The following OR13J1 variants were observed in gnomAD, a reference collection of about 807,000 sequenced individuals.
OR13J1 encodes the protein olfactory receptor 13J1.
OR13J1 carries 6 observed loss-of-function variants against 6.4 expected under a neutral mutation model. The observed-to-expected ratio is 0.93, with a 90% confidence interval of 0.51 to 1.84. The LOEUF is 1.84. Ranked by LOEUF, OR13J1 falls within the 40% of genes most tolerant of loss-of-function variation. OR13J1 has a pLI of 0.01. For missense variants in OR13J1, 382 were observed against 395.6 expected (o/e 0.97, Z 0.29); for synonymous variants, 175 against 182.4 (o/e 0.96, Z 0.33).
chr9:35,870,054 G>A lies in OR13J1; in HGVS notation c.348C>T (p.Ala116=), dbSNP rs1157971476. The A allele has an allele frequency of 6.2e-7, 1 of 1,614,260 alleles. No homozygotes were observed. Among genetic ancestry groups the A allele is most frequent in the East Asian group, 2.2e-5 (1 of 44,882 alleles). The change falls in exon 1 of 1, where the codon GCC becomes GCT. Residue 116 remains alanine, a synonymous_variant. Transcript: ENST00000377981. ...STGSTECLLL[A]ITAYDRYLAI... is the part of the protein sequence containing the mutation. ...CCAGGTAGCGGTCATAGGCCGTGAT[G>A]GCCAGTAGCAGGCACTCCGTGGAGC...
rs759235590 is a variant in OR13J1, at chr9:35,869,791, A to G, written c.611T>C (p.Ile204Thr). The G allele has an allele frequency of 6.2e-7, 1 of 1,613,998 alleles. No homozygotes were observed. Among genetic ancestry groups the G allele is most frequent in the Non-Finnish European group, 8.5e-7 (1 of 1,180,020 alleles). The change falls in exon 1 of 1, where the codon ATC becomes ACC. Residue 204 changes from isoleucine to threonine, a missense_variant. Coordinates refer to ENST00000377981, the MANE Select transcript of OR13J1 (RefSeq NM_001004487.1). ...VSEDFLLAGSILLLPVPLAFI... is the reference protein window; with the variant it reads ...VSEDFLLAGSTLLLPVPLAFI... ...TGCCAGGGGTACAGGCAGCAGCAGG[A>G]TGGAGCCCGCCAGCAGGAAGTCTTC...
At position 35,870,014 on chromosome 9, in the gene OR13J1, G is replaced by GTGGC; in HGVS notation, c.384_387dup (p.Leu130AlafsTer31). On this transcript the variant is annotated frameshift_variant, in exon 1 of 1. Coordinates refer to ENST00000377981, the MANE Select transcript of OR13J1 (RefSeq NM_001004487.1). LOFTEE classifies it high-confidence loss of function. Reference sequence around the variant, plus strand: ...TGGCTCATGAGCACGTGGTACCTGAGTGGCTGGCAGATGGCCAGGTAGCGG... The same window carrying GTGGC: ...TGGCTCATGAGCACGTGGTACCTGAGTGGCTGGCTGGCAGATGGCCAGGTAGCGG... 1 of 1,614,232 alleles carries GTGGC rather than the reference G, an allele frequency of 6.2e-7. No individual in the cohort carries two copies. The highest frequency in any genetic ancestry group is 8.5e-7 in the Non-Finnish European group (1 of 1,180,042).
chr9:35,869,501 C>A lies in OR13J1; in HGVS notation c.901G>T (p.Ala301Ser), dbSNP rs146834712. 6 of 1,613,832 alleles carry A rather than the reference C, an allele frequency of 3.7e-6. No homozygotes were observed. The highest frequency in any genetic ancestry group is 2.2e-5 in the South Asian group (2 of 91,086). The change falls in exon 1 of 1, where the codon GCC (alanine) becomes TCC (serine). Residue 301 changes from alanine to serine, a missense_variant. Ala to Ser is a moderately conservative substitution (Grantham distance 99). Transcript: ENST00000377981. ...CGACTCCTGCCCCACACCTTCCTGG[C>A]GGCCTCCTTCACCTCCTTGTTCCTC... ...SLRNKEVKEAARKVWGRSRAS... is the reference protein window; with the variant it reads ...SLRNKEVKEASRKVWGRSRAS...
chr9:35,870,161 T>C lies in OR13J1; in HGVS notation c.241A>G (p.Met81Val). ...ICYTPTFVPL[M>V]LVHLLSSRKT... ...CGGGATGACAGGAGGTGGACCAGCA[T>C]CAGAGGCACAAAGGTGGGCGTGTAG... The change falls in exon 1 of 1, where the codon ATG (methionine) becomes GTG (valine). Residue 81 changes from methionine (M) to valine (V), a missense_variant. By Grantham distance (21) the Met-to-Val change is conservative (BLOSUM62 1). Coordinates refer to ENST00000377981, the MANE Select transcript of OR13J1 (RefSeq NM_001004487.1). 6.2e-7 allele frequency: 1 copy of C among 1,614,160 alleles called. No individual in the cohort carries two copies. The highest frequency in any genetic ancestry group is 2.2e-5 in the East Asian group (1 of 44,874).
Position 35,869,933 on chromosome 9 carries a change from C to A in OR13J1, c.469G>T (p.Val157Leu). ...AAWVLCLLKSVTEMVISMRLP... is the reference protein window; with the variant it reads ...AAWVLCLLKSLTEMVISMRLP... ...CTCATGGAGATGACCATCTCAGTCA[C>A]CGACTTGAGGAGGCAGAGGACCCAG... The change falls in exon 1 of 1, where the codon GTG becomes TTG. Residue 157 changes from valine (V) to leucine (L), a missense_variant. Val to Leu is a conservative substitution (Grantham distance 32). Transcript: ENST00000377981. 1.9e-6 allele frequency: 3 copies of A among 1,614,190 alleles called. No homozygotes were observed. Among genetic ancestry groups the A allele is most frequent in the Non-Finnish European group, 2.5e-6 (3 of 1,180,030 alleles).
chr9:35,869,685 G>A lies in OR13J1; in HGVS notation c.717C>T (p.Ser239=). The change falls in exon 1 of 1, where the codon TCC becomes TCT. Residue 239 remains serine, a synonymous_variant. Coordinates refer to ENST00000377981, the MANE Select transcript of OR13J1 (RefSeq NM_001004487.1). ...PSAARCCKAF[S]TCLAHLAVVL... ...CTACAGCCAGGTGTGCCAAGCAGGT[G>A]GAGAAGGCTTTGCAGCACCTGGCGG... The A allele has an allele frequency of 6.2e-7, 1 of 1,613,884 alleles. No homozygotes were observed. Among genetic ancestry groups the A allele is most frequent in the Non-Finnish European group, 8.5e-7 (1 of 1,180,012 alleles).
In OR13J1 at chr9:35,869,749, T is replaced by C. The variant is rs1832774316; in HGVS notation, c.653A>G (p.Tyr218Cys). ...CAGGATGGTGGCCAGGATGAGCAAG[T>C]AGGACAGGCAGATGAATGCCAGGGG... The part of the protein sequence containing the change: ...PVPLAFICLS[Y>C]LLILATILRV... Residue 218 changes from tyrosine (Y) to cysteine (C), a missense_variant, in exon 1 of 1, where the codon TAC becomes TGC. Tyr to Cys is a radical substitution (Grantham distance 194). Coordinates refer to ENST00000377981, the MANE Select transcript of OR13J1 (RefSeq NM_001004487.1). 2 of 1,613,366 alleles carry C rather than the reference T, an allele frequency of 1.2e-6. No homozygotes were observed. The highest frequency in any genetic ancestry group is 2.2e-5 in the South Asian group (2 of 91,078).
rs1443835208 is a variant in OR13J1, at chr9:35,870,390, G to A, written c.12C>T (p.Leu4=). 1 of 1,593,404 alleles carries A rather than the reference G, an allele frequency of 6.3e-7. No individual in the cohort carries two copies. The change falls in exon 1 of 1, where the codon CTC becomes CTT. Residue 4 remains leucine (L), a synonymous_variant. Coordinates refer to ENST00000377981, the MANE Select transcript of OR13J1 (RefSeq NM_001004487.1). MEP[L]NRTEVSEFFL... ...AGAACTCGGACACCTCTGTTCTGTT[G>A]AGCGGCTCCATGCTGCAGAGTTCTG... is the stretch of plus-strand genomic sequence containing the variant.
In OR13J1 at chr9:35,869,809, A is replaced by G; in HGVS notation, c.593T>C (p.Phe198Ser). The G allele has an allele frequency of 6.2e-7, 1 of 1,614,064 alleles. No individual in the cohort carries two copies. Among genetic ancestry groups the G allele is most frequent in the South Asian group, 1.1e-5 (1 of 91,080 alleles). ...ACGNTSVSED[F>S]LLAGSILLLP... ...CAGCAGGATGGAGCCCGCCAGCAGG[A>G]AGTCTTCGCTGACCGACGTGTTGCC... The change falls in exon 1 of 1, where the codon TTC becomes TCC. Residue 198 changes from phenylalanine to serine, a missense_variant. Phe to Ser is a radical substitution (Grantham distance 155). Transcript: ENST00000377981.
chr9:35,869,972 G>A lies in OR13J1; in HGVS notation c.430C>T (p.Leu144=), dbSNP rs1200190558. 1 of 1,614,114 alleles carries A rather than the reference G, an allele frequency of 6.2e-7. No individual in the cohort carries two copies. The highest frequency in any genetic ancestry group is 2.2e-5 in the East Asian group (1 of 44,900). Residue 144 remains leucine, a synonymous_variant, in exon 1 of 1, where the codon CTG becomes TTG. Transcript: ENST00000377981. ...VLMSHRLCVL[L]MGAAWVLCLL... ...CAGAGGACCCAGGCAGCTCCCATCA[G>A]CAGCACGCAGAGCCGGTGGCTCATG...
In OR13J1 at chr9:35,869,542, G is replaced by C. The variant is rs1319203250; in HGVS notation, c.860C>G (p.Pro287Arg). Residue 287 changes from proline to arginine, a missense_variant, in exon 1 of 1, where the codon CCC becomes CGC. Coordinates refer to ENST00000377981, the MANE Select transcript of OR13J1 (RefSeq NM_001004487.1). ...CTTGTTCCTCAGGCTGTAGATGGTG[G>C]GGTTCAGCATGGTCGTGACCATGGC... is the stretch of plus-strand genomic sequence containing the variant. ...LYAMVTTMLN[P>R]TIYSLRNKEV... 4.3e-6 allele frequency: 7 copies of C among 1,613,954 alleles called. No homozygotes were observed. Among genetic ancestry groups the C allele is most frequent in the Non-Finnish European group, 5.9e-6 (7 of 1,180,012 alleles).
rs1393122989 is a variant in OR13J1 at position 35,869,588 on chromosome 9, C to T, written c.814G>A (p.Glu272Lys). Residue 272 changes from glutamate (E) to lysine (K), a missense_variant, in exon 1 of 1, where the codon GAG (glutamate) becomes AAG (lysine). Glu to Lys is a moderately conservative substitution (Grantham distance 56). Transcript: ENST00000377981. ...ATGGCATAGAGGACTGTGAAGACCTCATCAGAGATGTGGGCTTCCTTACTC... is the reference window on the plus strand; with the variant it reads ...ATGGCATAGAGGACTGTGAAGACCTTATCAGAGATGTGGGCTTCCTTACTC... ...PKSKEAHISD[E>K]VFTVLYAMVT... 6.2e-7 allele frequency: 1 copy of T among 1,614,020 alleles called. No individual in the cohort carries two copies. Among genetic ancestry groups the T allele is most frequent in the Non-Finnish European group, 8.5e-7 (1 of 1,180,036 alleles).
At position 35,869,933 on chromosome 9, in the gene OR13J1, C is replaced by T; in HGVS notation, c.469G>A (p.Val157Met). 1.2e-6 allele frequency: 2 copies of T among 1,614,190 alleles called. No individual in the cohort carries two copies. The highest frequency in any genetic ancestry group is 1.7e-6 in the Non-Finnish European group (2 of 1,180,030). The change falls in exon 1 of 1, where the codon GTG (valine) becomes ATG (methionine). Residue 157 changes from valine (V) to methionine (M), a missense_variant. Coordinates refer to ENST00000377981, the MANE Select transcript of OR13J1 (RefSeq NM_001004487.1). ...AAWVLCLLKSVTEMVISMRLP... is the reference protein window; with the variant it reads ...AAWVLCLLKSMTEMVISMRLP... ...CTCATGGAGATGACCATCTCAGTCA[C>T]CGACTTGAGGAGGCAGAGGACCCAG...
rs762489313 is a variant in OR13J1, at chr9:35,869,774, G to A, written c.628C>T (p.Pro210Ser). The A allele has an allele frequency of 6.2e-7, 1 of 1,613,872 alleles. No individual in the cohort carries two copies. The highest frequency in any genetic ancestry group is 1.1e-5 in the South Asian group (1 of 91,084). ...LAGSILLLPV[P>S]LAFICLSYLL... ...TAGGACAGGCAGATGAATGCCAGGGGTACAGGCAGCAGCAGGATGGAGCCC... is the reference window on the plus strand; with the variant it reads ...TAGGACAGGCAGATGAATGCCAGGGATACAGGCAGCAGCAGGATGGAGCCC... Residue 210 changes from proline to serine, a missense_variant, in exon 1 of 1, where the codon CCC becomes TCC. Pro to Ser is a moderately conservative substitution (Grantham distance 74). Transcript: ENST00000377981.
chr9:35,870,258 C>T lies in OR13J1; in HGVS notation c.144G>A (p.Val48=), dbSNP rs777366385. The part of the protein sequence containing the change: ...TLLGNTAIMA[V]SVLDIHLHTP... ...TGTGCAGGTGGATATCTAGCACGCT[C>T]ACCGCCATGATGGCTGTGTTCCCCA... Residue 48 remains valine, a synonymous_variant, in exon 1 of 1, where the codon GTG becomes GTA. Transcript: ENST00000377981. 5 of 1,614,200 alleles carry T rather than the reference C, an allele frequency of 3.1e-6. No individual in the cohort carries two copies. Among genetic ancestry groups the T allele is most frequent in the East Asian group, 4.5e-5 (2 of 44,890 alleles).
rs773186458 is a variant in OR13J1 at position 35,870,053 on chromosome 9, T to C, written c.349A>G (p.Ile117Val). The C allele has an allele frequency of 2.5e-6, 4 of 1,614,224 alleles. No individual in the cohort carries two copies. The highest frequency in any genetic ancestry group is 3.4e-6 in the Non-Finnish European group (4 of 1,180,044). ...GCCAGGTAGCGGTCATAGGCCGTGA[T>C]GGCCAGTAGCAGGCACTCCGTGGAG... The part of the protein sequence containing the change: ...TGSTECLLLA[I>V]TAYDRYLAIC... Residue 117 changes from isoleucine (I) to valine (V), a missense_variant, in exon 1 of 1, where the codon ATC (isoleucine) becomes GTC (valine). Ile to Val is a conservative substitution (Grantham distance 29, BLOSUM62 3). Coordinates refer to ENST00000377981, the MANE Select transcript of OR13J1 (RefSeq NM_001004487.1).
In OR13J1 at chr9:35,870,035, A is replaced by C. The variant is rs745393130; in HGVS notation, c.367T>G (p.Tyr123Asp). ...CTGAGTGGCTGGCAGATGGCCAGGT[A>C]GCGGTCATAGGCCGTGATGGCCAGT... is the stretch of plus-strand genomic sequence containing the variant. ...LLLAITAYDRYLAICQPLRYH... is the reference protein window; with the variant it reads ...LLLAITAYDRDLAICQPLRYH... The change falls in exon 1 of 1, where the codon TAC (tyrosine) becomes GAC (aspartate). Residue 123 changes from tyrosine (Y) to aspartate (D), a missense_variant. Coordinates refer to ENST00000377981, the MANE Select transcript of OR13J1 (RefSeq NM_001004487.1). 3 of 1,614,128 alleles carry C rather than the reference A, an allele frequency of 1.9e-6. No individual in the cohort carries two copies. The highest frequency in any genetic ancestry group is 2.5e-6 in the Non-Finnish European group (3 of 1,179,952).
Position 35,869,547 on chromosome 9 carries a change from C to CATGA in OR13J1, c.854_855insTCAT (p.Asn286HisfsTer?). The CATGA allele has an allele frequency of 6.2e-7, 1 of 1,614,132 alleles. No individual in the cohort carries two copies. The highest frequency in any genetic ancestry group is 2.2e-5 in the East Asian group (1 of 44,872). On this transcript the variant is annotated frameshift_variant, in exon 1 of 1. Coordinates refer to ENST00000377981, the MANE Select transcript of OR13J1 (RefSeq NM_001004487.1). LOFTEE classifies it high-confidence loss of function. ...TCCTCAGGCTGTAGATGGTGGGGTTCAGCATGGTCGTGACCATGGCATAGA... is the reference window on the plus strand; with the variant it reads ...TCCTCAGGCTGTAGATGGTGGGGTTCATGAAGCATGGTCGTGACCATGGCATAGA...
rs1165205237 is a variant in OR13J1 at position 35,869,665 on chromosome 9, G to A, written c.737C>T (p.Ala246Val). 1 of 1,613,966 alleles carries A rather than the reference G, an allele frequency of 6.2e-7. No individual in the cohort carries two copies. The highest frequency in any genetic ancestry group is 2.2e-5 in the East Asian group (1 of 44,864). Residue 246 changes from alanine (A) to valine (V), a missense_variant, in exon 1 of 1, where the codon GCT (alanine) becomes GTT (valine). By Grantham distance (64) the Ala-to-Val change is moderately conservative. Transcript: ENST00000377981. ...GGTGCCGTAGAAAAGCAGCACTACAGCCAGGTGTGCCAAGCAGGTGGAGAA... is the reference window on the plus strand; with the variant it reads ...GGTGCCGTAGAAAAGCAGCACTACAACCAGGTGTGCCAAGCAGGTGGAGAA... ...KAFSTCLAHL[A>V]VVLLFYGTII...
Sources: gnomAD v4.1 joint callset for allele counts on GRCh38, gnomAD v4.1.1 for gene constraint, MANE v1.5 for transcripts, NCBI Gene and HGNC (gene_info 2026-07-23, HGNC 2026-07-21) for gene names.